TMCO6: variants seen among roughly 807,000 people sequenced by gnomAD.
The protein encoded by TMCO6 is transmembrane and coiled-coil domains 6, also known as transmembrane and coiled-coil domain-containing protein 6.
TMCO6 carries 47 observed loss-of-function variants against 61.8 expected under a neutral mutation model. That is an observed-to-expected ratio of 0.76 (90% confidence interval 0.60 to 0.97). The LOEUF (loss-of-function observed/expected upper bound fraction) is 0.97. Among genes scored for constraint, TMCO6 ranks in the 50% least tolerant of loss-of-function variants. TMCO6 has a pLI of 0.00. For synonymous variants in TMCO6, 261 were observed against 254.2 expected, an observed-to-expected ratio of 1.03 and a Z score of -0.25; for missense variants, 557 against 601.6, an observed-to-expected ratio of 0.93 and a Z score of 0.78.
At chr5:140,647,156 A>T, downstream of TMCO6, 4 of 1,278,936 alleles carry the variant, frequency 3.1e-6, no homozygotes, top group Non-Finnish European at 4.3e-6. Flanking sequence ...TCCGAGTTCT[A>T]GTTTCTCCAC....
chr5:140,647,419 A>C, downstream of TMCO6: 1 of 1,610,178 alleles, frequency 6.2e-7, no homozygotes, highest in South Asian at 1.1e-5. Context: ...CCTCAACTTC[A>C]GGGAGGTCGA....
At chr5:140,627,341 A>G in the TMCO6 span, among the ~76,000 whole-genome samples, 2 of 152,288 alleles carry the variant, frequency 1.3e-5, no homozygotes, top group South Asian at 2.1e-4. Flanking sequence ...CTAACTCCAC[A>G]TGTCTCTAGG....
chr5:140,645,899 G>A (rs778591), downstream of TMCO6, among the ~76,000 whole-genome samples: 65,395 of 151,920 alleles, frequency 0.43, 14,227 homozygotes, highest in East Asian at 0.46. Flanking sequence ...CTGGATGGCC[G>A]CAATGGGTTG....
chr5:140,608,709 C>T, the TMCO6 span, among the ~76,000 whole-genome samples: 1 of 152,192 alleles, frequency 6.6e-6, no homozygotes, highest in African/African-American at 2.4e-5. Context: ...CTTCATACAT[C>T]TGCATATGGA....
rs375233479 is a variant in TMCO6 at position 140,643,799 on chromosome 5, G to A, written c.938G>A (p.Arg313Gln). 2.8e-5 allele frequency: 45 copies of A among 1,613,994 alleles called. No individual in the cohort carries two copies. The highest frequency in any genetic ancestry group is 3.6e-5 in the Non-Finnish European group (43 of 1,180,002). Reference sequence around the variant, plus strand: ...TTGCAGCTGGCATGCCCCGTGCTTCGATGTCTAAGCAACCTGCTAACTGAG... The same window carrying A: ...TTGCAGCTGGCATGCCCCGTGCTTCAATGTCTAAGCAACCTGCTAACTGAG... ...GLELLACPVL[R>Q]CLSNLLTEAA... Residue 313 changes from arginine to glutamine, a missense_variant, in exon 9 of 12, where the codon CGA (arginine) becomes CAA (glutamine). Coordinates refer to ENST00000394671, the MANE Select transcript of TMCO6 (RefSeq NM_018502.5).
chr5:140,626,894 T>C, the TMCO6 span, among the ~76,000 whole-genome samples: 1 of 152,208 alleles, frequency 6.6e-6, no homozygotes, highest in East Asian at 1.9e-4. Flanking sequence ...CTAAGAAAAC[T>C]CTATTGTGCT....
the TMCO6 span, among the ~76,000 whole-genome samples, chr5:140,616,543 CAGAG>C: frequency 9.9e-5 from 15 of 152,136 alleles, no homozygotes; most frequent in African/African-American, 3.4e-4. Flanking sequence ...ACCTGAGTGA[CAGAG>C]AGACCTTGTC....
the TMCO6 span, among the ~76,000 whole-genome samples, chr5:140,614,878 G>A: frequency 1.3e-5 from 2 of 152,158 alleles, no homozygotes; most frequent in Non-Finnish European, 2.9e-5. Flanking sequence ...TGGGATTACA[G>A]GCATGAGCCA....
Position 140,643,641 on chromosome 5 carries a change from C to A in TMCO6, c.884C>A (p.Ala295Asp), listed in dbSNP as rs545811495. ...LGLLLLDLAG[A>D]VQKTEDAGLE... is the part of the protein sequence containing the mutation. ...TTGCTGCTGTTGGACTTGGCTGGGG[C>A]TGTCCAGAAAACCGAGGATGCAGGA... The change falls in exon 8 of 12, where the codon GCT becomes GAT. Residue 295 changes from alanine (A) to aspartate (D), a missense_variant. By Grantham distance (126) the Ala-to-Asp change is moderately radical. Transcript: ENST00000394671. 6 of 1,613,354 alleles carry A rather than the reference C, an allele frequency of 3.7e-6. No individual in the cohort carries two copies. The highest frequency in any genetic ancestry group is 5.1e-6 in the Non-Finnish European group (6 of 1,179,660).
At chr5:140,617,951 G>A in the TMCO6 span, among the ~76,000 whole-genome samples, 2 of 152,170 alleles carry the variant, frequency 1.3e-5, no homozygotes, top group African/African-American at 4.8e-5. Flanking sequence ...AAAAGGCTCA[G>A]AATAGCCAAC....
chr5:140,602,736 C>G, the TMCO6 span, among the ~76,000 whole-genome samples: 3 of 151,820 alleles, frequency 2.0e-5, no homozygotes, highest in African/African-American at 4.8e-5. Flanking sequence ...TGCACTCCAG[C>G]CTTGGCCATA....
downstream of TMCO6, chr5:140,647,290 G>A (rs751904297): frequency 6.4e-7 from 1 of 1,572,704 alleles, no homozygotes; most frequent in Admixed American, 1.8e-5. Context: ...GCACATCGGA[G>A]CATTCGCGGA....
At chr5:140,625,366 G>T in the TMCO6 span, among the ~76,000 whole-genome samples, 1 of 152,098 alleles carries the variant, frequency 6.6e-6, no homozygotes, top group African/African-American at 2.4e-5. Context: ...AACAATTGAG[G>T]CCACTTGCTA....
chr5:140,610,067 G>C, the TMCO6 span, among the ~76,000 whole-genome samples: 1 of 151,156 alleles, frequency 6.6e-6, no homozygotes, highest in South Asian at 2.1e-4. Context: ...GGTAGGAACA[G>C]TCTGGGCACA....
At chr5:140,637,933 C>T (rs1302048281), upstream of TMCO6, among the ~76,000 whole-genome samples, 2 of 151,474 alleles carry the variant, frequency 1.3e-5, no homozygotes, top group African/African-American at 4.9e-5. Flanking sequence ...CCCTCTCTTC[C>T]CTTCCTCCTT....
At chr5:140,627,100 A>G in the TMCO6 span, among the ~76,000 whole-genome samples, 1 of 152,206 alleles carries the variant, frequency 6.6e-6, no homozygotes, top group Non-Finnish European at 1.5e-5. Context: ...GCCTTCTTAT[A>G]ATCTTTTGCC....
In TMCO6 at chr5:140,639,862, A is replaced by G; in HGVS notation, c.198+11A>G. 6.3e-7 allele frequency: 1 copy of G among 1,592,810 alleles called. No individual in the cohort carries two copies. The highest frequency in any genetic ancestry group is 2.3e-5 in the East Asian group (1 of 44,200). Reference sequence around the variant, plus strand: ...CTCGGGGAAACCGAGGTGAGGGGGCAAGGTAGGGTGCGCTGGAGTCCACGC... The same window carrying G: ...CTCGGGGAAACCGAGGTGAGGGGGCGAGGTAGGGTGCGCTGGAGTCCACGC... On this transcript the variant is annotated intron_variant, in intron 2 of 11. Transcript: ENST00000394671.
At chr5:140,619,922 A>AG in the TMCO6 span, among the ~76,000 whole-genome samples, 1 of 152,246 alleles carries the variant, frequency 6.6e-6, no homozygotes, top group Non-Finnish European at 1.5e-5. Flanking sequence ...GAGCAACAGG[A>AG]ACTCTCATTC....
the TMCO6 span, among the ~76,000 whole-genome samples, chr5:140,614,710 G>C: frequency 2.6e-5 from 4 of 151,994 alleles, no homozygotes; most frequent in East Asian, 7.8e-4. Flanking sequence ...AGCCTCCCAG[G>C]TTCACGCCAT....
Sources: gnomAD v4.1 joint callset for allele counts (sites outside exome capture counted in the v4.1 genomes callset) on GRCh38, gnomAD v4.1.1 for gene constraint, MANE v1.5 for transcripts, NCBI Gene and HGNC (gene_info 2026-07-23, HGNC 2026-07-21) for gene names.